Variants in ELAPOR1 observed in about 807,000 individuals in gnomAD.
The protein encoded by ELAPOR1 is endosome/lysosome-associated apoptosis and autophagy regulator 1.
ELAPOR1 carries 77 observed loss-of-function variants against 119.7 expected under a neutral mutation model. That is an observed-to-expected ratio of 0.64 (90% CI 0.54 to 0.78). The LOEUF (loss-of-function observed/expected upper bound fraction) is 0.78. Ranked by LOEUF, ELAPOR1 falls within the 30% of genes least tolerant of loss-of-function variation. ELAPOR1 has a pLI of 0.00. For missense variants in ELAPOR1, 1,115 were observed against 1,270.4 expected, an observed-to-expected ratio of 0.88 and a Z score of 1.86; for synonymous variants, 481 against 487.2, an observed-to-expected ratio of 0.99 and a Z score of 0.17.
chr1:109,130,398 G>A (rs17567355), intron 1 of ELAPOR1, among the ~76,000 whole-genome samples: 7,292 of 152,094 alleles, frequency 0.048, 237 homozygotes, highest in Middle Eastern at 0.14. Flanking sequence ...TAAGAGTCAC[G>A]GAGGGCTTCA....
Position 109,172,542 on chromosome 1 carries a change from A to G in ELAPOR1, c.670A>G (p.Thr224Ala), listed in dbSNP as rs540615880. 82 of 1,613,766 alleles carry G rather than the reference A, an allele frequency of 5.1e-5. No individual in the cohort carries two copies. The East Asian group carries it at 1.7e-3, about 34-fold the overall frequency. ...AGATGACTCCAGGTGGATGAAGACC[A>G]CAGAGAAAGGATGGGAATTCCACAG... ...NADDSRWMKT[T>A]EKGWEFHSVE... The change falls in exon 5 of 22, where the codon ACA (threonine) becomes GCA (alanine). Residue 224 changes from threonine to alanine, a missense_variant. Transcript: ENST00000369939.
intron 14 of ELAPOR1, among the ~76,000 whole-genome samples, chr1:109,194,170 G>T (rs1653627017): frequency 6.6e-6 from 1 of 152,180 alleles, no homozygotes; most frequent in Non-Finnish European, 1.5e-5. Context: ...TATAGAATTT[G>T]TCCAAACTCC....
Position 109,189,102 on chromosome 1 carries a change from T to C in ELAPOR1, c.1256T>C (p.Val419Ala), listed in dbSNP as rs1653254776. ...TRCPAGTEPA[V>A]GFEYKWWNTL... Reference sequence around the variant, plus strand: ...TGCCCTGCAGGGACTGAACCTGCTGTGGGATTTGAATACAAATGGTGGAAC... The same window carrying C: ...TGCCCTGCAGGGACTGAACCTGCTGCGGGATTTGAATACAAATGGTGGAAC... The change falls in exon 10 of 22, where the codon GTG (valine) becomes GCG (alanine). Residue 419 changes from valine (V) to alanine (A), a missense_variant. Physicochemically the swap from Val to Ala is moderately conservative, Grantham distance 64. Transcript: ENST00000369939. The C allele has an allele frequency of 2.5e-6, 4 of 1,614,092 alleles. No individual in the cohort carries two copies. Among genetic ancestry groups the C allele is most frequent in the Non-Finnish European group, 3.4e-6 (4 of 1,179,988 alleles).
intron 1 of ELAPOR1, among the ~76,000 whole-genome samples, chr1:109,150,038 G>A (rs570226467): frequency 1.3e-5 from 2 of 152,320 alleles, no homozygotes; most frequent in Admixed American, 6.5e-5. Context: ...TCTCCCTCAC[G>A]GGACTGGTCA....
intron 9 of ELAPOR1, among the ~76,000 whole-genome samples, 170 bp from the exon 10 acceptor site, chr1:109,188,896 A>G (rs767137988): frequency 1.1e-4 from 17 of 152,238 alleles, no homozygotes; most frequent in Non-Finnish European, 1.9e-4. Flanking sequence ...AGTTAAATAC[A>G]TTGTCAGAAT....
At chr1:109,120,276 A>T (rs1297354426) in intron 1 of ELAPOR1, among the ~76,000 whole-genome samples, 1 of 152,080 alleles carries the variant, frequency 6.6e-6, no homozygotes, top group Admixed American at 6.6e-5. Flanking sequence ...GCATGCCTGT[A>T]ATTCCAGCTA....
intron 1 of ELAPOR1, among the ~76,000 whole-genome samples, chr1:109,148,452 T>A (rs937537794): frequency 1.3e-5 from 2 of 152,222 alleles, no homozygotes; most frequent in Admixed American, 1.3e-4. Flanking sequence ...TCTATTATTT[T>A]AAAAAATTAT....
chr1:109,204,879 C>A lies in ELAPOR1; in HGVS notation c.*1867C>A, dbSNP rs1019466998. The A allele has an allele frequency of 1.3e-5, 2 of 152,232 alleles. No homozygotes were observed. Among genetic ancestry groups the A allele is most frequent in the African/African-American group, 4.8e-5 (2 of 41,436 alleles). 9.4% of individuals were successfully genotyped at this position (152,232 alleles called of 1,614,324 possible). ...GACCAGCCTGGGCAACACAGTGAGA[C>A]CCTGTCTCTAAAAAATTTAAAAATA... On this transcript the variant is annotated 3_prime_UTR_variant, in exon 22 of 22. Coordinates refer to ENST00000369939, the MANE Select transcript of ELAPOR1 (RefSeq NM_020775.5).
chr1:109,188,062 G>T (rs1653165653), intron 8 of ELAPOR1, 115 bp from the exon 9 acceptor site: 1 of 1,465,180 alleles, frequency 6.8e-7, no homozygotes, highest in Non-Finnish European at 9.1e-7. Context: ...CCCCAGAGGA[G>T]CTCTTACCTG....
chr1:109,124,867 C>T (rs1023433437), intron 1 of ELAPOR1, among the ~76,000 whole-genome samples: 40 of 152,272 alleles, frequency 2.6e-4, no homozygotes, highest in African/African-American at 9.4e-4. Context: ...GGGGTTATTA[C>T]TTCAGTTGAG....
At chr1:109,182,333 A>AAAT (rs59332839) in intron 7 of ELAPOR1, among the ~76,000 whole-genome samples, 67 of 149,790 alleles carry the variant, frequency 4.5e-4, no homozygotes, top group African/African-American at 1.6e-3. Flanking sequence ...CTGTCTCAAA[A>AAAT]AATAATAATA....
At chr1:109,172,117 C>G in intron 4 of ELAPOR1, 104 bp downstream of exon 4, 6 of 1,396,966 alleles carry the variant, frequency 4.3e-6, no homozygotes, top group Non-Finnish European at 6.0e-6. Flanking sequence ...GGGGGAATCA[C>G]TGTTGTTTTC....
In ELAPOR1 at chr1:109,163,221, G is replaced by A. The variant is rs547667954; in HGVS notation, c.274+1207G>A. On this transcript the variant is annotated intron_variant, in intron 2 of 21. Transcript: ENST00000369939. ...TCCAGGGTAGAGGCAACACAGAGAA[G>A]GTGATGGATGGAGTTGAGGTGAAAA... Among the ~76,000 whole-genome samples, 11 of 152,296 alleles carry A rather than the reference G, an allele frequency of 7.2e-5. No individual in the cohort carries two copies. In the South Asian group the frequency reaches 2.3e-3, roughly 32 times the overall value.
chr1:109,155,319 G>A (rs1650810995), intron 1 of ELAPOR1, among the ~76,000 whole-genome samples: 1 of 152,034 alleles, frequency 6.6e-6, no homozygotes, highest in East Asian at 1.9e-4. Flanking sequence ...GGGACTACAG[G>A]CACCCACCAT....
chr1:109,137,777 C>T (rs1478023344), intron 1 of ELAPOR1, among the ~76,000 whole-genome samples: 1 of 152,206 alleles, frequency 6.6e-6, no homozygotes, highest in Non-Finnish European at 1.5e-5. Context: ...ATCTGCCCGC[C>T]TCGGCCCCCC....
chr1:109,140,930 C>T (rs1265740748), intron 1 of ELAPOR1, among the ~76,000 whole-genome samples: 2 of 152,200 alleles, frequency 1.3e-5, no homozygotes, highest in African/African-American at 2.4e-5. Flanking sequence ...CGGCTCACTG[C>T]AACCTCCCCC....
At chr1:109,181,329 C>T (rs1652682995) in intron 7 of ELAPOR1, among the ~76,000 whole-genome samples, 1 of 152,196 alleles carries the variant, frequency 6.6e-6, no homozygotes, top group Non-Finnish European at 1.5e-5. Context: ...TATCTTCTTA[C>T]AGTTTTGCCC....
intron 14 of ELAPOR1, among the ~76,000 whole-genome samples, chr1:109,193,945 C>G (rs975656505): frequency 6.6e-6 from 1 of 152,184 alleles, no homozygotes; most frequent in Non-Finnish European, 1.5e-5. Context: ...AAGCCCCTTT[C>G]GGAGTTCAGT....
chr1:109,129,548 C>T (rs867072236), intron 1 of ELAPOR1, among the ~76,000 whole-genome samples: 35 of 152,078 alleles, frequency 2.3e-4, no homozygotes, highest in Admixed American at 1.4e-3. Flanking sequence ...CAAAAACACA[C>T]GCAAAAAACC....
Sources: allele counts gnomAD v4.1 joint callset (sites outside exome capture counted in the v4.1 genomes callset), GRCh38; gene constraint gnomAD v4.1.1; transcripts MANE v1.5; gene names NCBI Gene and HGNC (gene_info 2026-07-23, HGNC 2026-07-21).